Variants in PFDN2 observed in about 807,000 individuals in gnomAD.
The protein encoded by PFDN2 is prefoldin 2.
PFDN2 carries 7 observed loss-of-function variants against 18.3 expected under a neutral mutation model. The ratio of observed to expected loss-of-function variants is 0.38; its 90% CI spans 0.22 to 0.72. The LOEUF (loss-of-function observed/expected upper bound fraction) is 0.72, where lower values mean the gene tolerates loss of function less well. Among genes scored for constraint, PFDN2 ranks in the 30% least tolerant of loss-of-function variants. The pLI is 0.47. For synonymous variants in PFDN2, 76 were observed against 75.0 expected, an observed-to-expected ratio of 1.01 and a Z score of -0.07; for missense variants, 181 against 199.1, an observed-to-expected ratio of 0.91 and a Z score of 0.55.
chr1:161,113,233 A>G (rs1481778441), intron 1 of PFDN2, among the ~76,000 whole-genome samples: 1 of 152,122 alleles, frequency 6.6e-6, no homozygotes, highest in African/African-American at 2.4e-5. Flanking sequence ...CTCTCCTCTT[A>G]TCATATTCCC....
chr1:161,103,683 C>CAAAAAAAAAAAAAAAAAAAA (rs553472563), intron 1 of PFDN2, among the ~76,000 whole-genome samples: 2 of 74,914 alleles, frequency 2.7e-5, no homozygotes, highest in African/African-American at 5.6e-5. Flanking sequence ...GACTCCGTCT[C>CAAAAAAAAAAAAAAAAAAAA]AAAAAAAAAA....
At position 161,102,511 on chromosome 1, in the gene PFDN2, G is replaced by C. The variant is rs1316801349; in HGVS notation, c.76-136C>G. On this transcript the variant is annotated intron_variant, in intron 1 of 3. Coordinates refer to ENST00000368010, the MANE Select transcript of PFDN2 (RefSeq NM_012394.4). ...GGAAAAGGAGTAGAACCACAAGTTT[G>C]CGATTTCTACCTAAAATTTTTCTGG... 2.2e-5 allele frequency: 14 copies of C among 637,068 alleles called. 1 individual carries two copies. The Admixed American group carries it at 4.1e-4, about 19-fold the overall frequency. The allele number at this position is 637,068 out of a possible 1,614,324, so 39.5% of individuals were successfully genotyped here. A position where few individuals can be genotyped will look rare whatever the true frequency, so the allele number is the denominator to read the frequency against.
rs551575310 is a variant in PFDN2, at chr1:161,109,911, G to A, written c.76-7536C>T. On this transcript the variant is annotated intron_variant, in intron 1 of 3. Coordinates refer to ENST00000368010, the MANE Select transcript of PFDN2 (RefSeq NM_012394.4). Reference sequence around the variant, plus strand: ...ATAAAAATACAAAAATTAGCTGGGCGTGGTGGGGGGAGGGTGCCTGTAATC... The same window carrying A: ...ATAAAAATACAAAAATTAGCTGGGCATGGTGGGGGGAGGGTGCCTGTAATC... Among the ~76,000 whole-genome samples the A allele has an allele frequency of 3.4e-4, 51 of 151,814 alleles. 1 individual carries two copies. The highest frequency in any genetic ancestry group is 1.1e-3 in the African/African-American group (44 of 41,348).
Position 161,110,361 on chromosome 1 carries a change from CAAAAATAAAA to C in PFDN2, c.75+7581_75+7590del, listed in dbSNP as rs573313409. On this transcript the variant is annotated intron_variant, in intron 1 of 3. Transcript: ENST00000368010. ...GGGTGACAGAGCAAGGCTCCGTCTC[CAAAAATAAAA>C]AATAAAATAACCTAGTGAAGTGCAG... Among the ~76,000 whole-genome samples the C allele has an allele frequency of 1.7e-3, 256 of 151,914 alleles. 2 individuals carry two copies. Among genetic ancestry groups the C allele is most frequent in the African/African-American group, 5.8e-3 (239 of 41,438 alleles).
At chr1:161,115,888 G>C (rs547522436) in intron 1 of PFDN2, among the ~76,000 whole-genome samples, 2 of 152,182 alleles carry the variant, frequency 1.3e-5, no homozygotes, top group South Asian at 4.2e-4. Context: ...TATCTGTATC[G>C]CTGTACCCAG....
At chr1:161,117,845 C>T in intron 1 of PFDN2, 107 bp downstream of exon 1, 2 of 1,013,848 alleles carry the variant, frequency 2.0e-6, no homozygotes, top group African/African-American at 1.7e-5. Flanking sequence ...CTAGGTGCCA[C>T]GCACATGTGG....
chr1:161,113,117 A>G (rs968925997), intron 1 of PFDN2, among the ~76,000 whole-genome samples: 5 of 152,210 alleles, frequency 3.3e-5, no homozygotes, highest in African/African-American at 1.2e-4. Flanking sequence ...GAGTTAAACA[A>G]TTAATAATAT....
At chr1:161,114,718 A>G (rs1175114469) in intron 1 of PFDN2, among the ~76,000 whole-genome samples, 1 of 152,178 alleles carries the variant, frequency 6.6e-6, no homozygotes, top group African/African-American at 2.4e-5. Flanking sequence ...ATGGGAGGTC[A>G]TATATAAATA....
intron 1 of PFDN2, among the ~76,000 whole-genome samples, chr1:161,117,054 GA>G (rs1452778563): frequency 6.6e-6 from 1 of 151,534 alleles, no homozygotes; most frequent in Non-Finnish European, 1.5e-5. Context: ...CCAATATGGT[GA>G]AACCCCGTCT....
intron 1 of PFDN2, among the ~76,000 whole-genome samples, chr1:161,104,095 G>A (rs979645729): frequency 1.3e-5 from 2 of 152,226 alleles, no homozygotes; most frequent in African/African-American, 2.4e-5. Context: ...AGTGTGAACT[G>A]AGAACCACTG....
Position 161,110,805 on chromosome 1 carries a change from C to A in PFDN2, c.75+7147G>T, listed in dbSNP as rs530285810. ...CTCCATCAAATAATAGTACTCATCC[C>A]TTCTCTTCATGAAATTTTTTTTTTT... On this transcript the variant is annotated intron_variant, in intron 1 of 3. Coordinates refer to ENST00000368010, the MANE Select transcript of PFDN2 (RefSeq NM_012394.4). Among the ~76,000 whole-genome samples the A allele has an allele frequency of 4.2e-4, 64 of 151,006 alleles. 1 individual carries two copies. Among genetic ancestry groups the A allele is most frequent in the Non-Finnish European group, 3.7e-4 (25 of 67,822 alleles).
intron 1 of PFDN2, among the ~76,000 whole-genome samples, chr1:161,115,838 G>A (rs947795596): frequency 6.6e-6 from 1 of 152,280 alleles, no homozygotes; most frequent in East Asian, 1.9e-4. Flanking sequence ...ATCTACTGGG[G>A]TCTTGGAATA....
intron 1 of PFDN2, among the ~76,000 whole-genome samples, chr1:161,103,046 T>C (rs1238791281): frequency 6.6e-6 from 1 of 152,206 alleles, no homozygotes; most frequent in African/African-American, 2.4e-5. Flanking sequence ...AGGAAGGGCT[T>C]TGTAATGAGT....
intron 1 of PFDN2, among the ~76,000 whole-genome samples, chr1:161,109,915 T>TG (rs773081406): frequency 4.0e-5 from 6 of 148,576 alleles, no homozygotes; most frequent in East Asian, 2.0e-4. Context: ...CTGGGCGTGG[T>TG]GGGGGGAGGG....
At chr1:161,116,122 G>A (rs924989375) in intron 1 of PFDN2, among the ~76,000 whole-genome samples, 1 of 152,166 alleles carries the variant, frequency 6.6e-6, no homozygotes, top group Non-Finnish European at 1.5e-5. Flanking sequence ...AGCTACTCAG[G>A]AGGCTGAGTC....
chr1:161,103,730 T>G (rs1197435073), intron 1 of PFDN2, among the ~76,000 whole-genome samples: 2 of 146,808 alleles, frequency 1.4e-5, no homozygotes, highest in African/African-American at 5.0e-5. Context: ...TTGGTCAAAG[T>G]TGGTTTCTGT....
At chr1:161,109,138 C>T (rs994454684) in intron 1 of PFDN2, among the ~76,000 whole-genome samples, 1 of 152,222 alleles carries the variant, frequency 6.6e-6, no homozygotes, top group African/African-American at 2.4e-5. Context: ...CACATCTTAA[C>T]TCAGCACTCA....
Position 161,114,037 on chromosome 1 carries a change from A to T in PFDN2, c.75+3915T>A, listed in dbSNP as rs73021731. On this transcript the variant is annotated intron_variant, in intron 1 of 3. Coordinates refer to ENST00000368010, the MANE Select transcript of PFDN2 (RefSeq NM_012394.4). The stretch of plus-strand genomic sequence containing the variant: ...TTAGCTCCCCTAAAACAGTGGTTCC[A>T]CTCTTGTTCTACTTCTTTTTTCACT... Among the ~76,000 whole-genome samples the T allele has an allele frequency of 7.3e-3, 1,117 of 152,128 alleles. 11 individuals carry two copies. The highest frequency in any genetic ancestry group is 0.025 in the African/African-American group (1,056 of 41,508).
At chr1:161,116,758 G>A (rs1368528771) in intron 1 of PFDN2, among the ~76,000 whole-genome samples, 1 of 152,130 alleles carries the variant, frequency 6.6e-6, no homozygotes, top group Non-Finnish European at 1.5e-5. Context: ...CCAGCTACTC[G>A]GGAGGCTAAG....
Sources: gnomAD v4.1 joint callset for allele counts (sites outside exome capture counted in the v4.1 genomes callset) on GRCh38, gnomAD v4.1.1 for gene constraint, MANE v1.5 for transcripts, NCBI Gene and HGNC (gene_info 2026-07-23, HGNC 2026-07-21) for gene names.